The following EDEM3 variants were observed in gnomAD, a reference collection of about 807,000 sequenced individuals.
The protein encoded by EDEM3 is ER degradation-enhancing alpha-mannosidase-like protein 3.
A neutral mutation model predicts 110.2 loss-of-function variants in EDEM3; 60 were observed. The observed-to-expected ratio is 0.54, with a 90% confidence interval of 0.44 to 0.67. The LOEUF is 0.67. EDEM3 is among the 30% of genes least tolerant of loss of function. EDEM3 has a pLI of 0.00. For synonymous variants in EDEM3, 352 were observed against 382.9 expected (o/e 0.92, Z 0.94); for missense variants, 996 against 1,121.0 (o/e 0.89, Z 1.59).
chr1:184,728,843 C>T (rs573202756), intron 6 of EDEM3, among the ~76,000 whole-genome samples: 5 of 152,234 alleles, frequency 3.3e-5, no homozygotes, highest in Admixed American at 2.0e-4. Flanking sequence ...CTCTTGACCT[C>T]GTGATCCGCC....
chr1:184,696,793 G>A (rs1180124619), intron 19 of EDEM3, among the ~76,000 whole-genome samples: 2 of 151,958 alleles, frequency 1.3e-5, no homozygotes, highest in Non-Finnish European at 2.9e-5. Context: ...TTTCTTTCTA[G>A]ATTGTATTAT....
chr1:184,736,769 GA>G (rs1349100130), intron 4 of EDEM3, among the ~76,000 whole-genome samples: 1 of 151,926 alleles, frequency 6.6e-6, no homozygotes, highest in African/African-American at 2.4e-5. Context: ...CCAAAGGGGG[GA>G]AAAAAGGACC....
intron 2 of EDEM3, among the ~76,000 whole-genome samples, chr1:184,741,656 T>A (rs1384784482): frequency 6.6e-6 from 1 of 152,182 alleles, no homozygotes; most frequent in Non-Finnish European, 1.5e-5. Flanking sequence ...ATGCACAGCA[T>A]TTTTCTAAGG....
rs199636991 is a variant in EDEM3 at position 184,708,276 on chromosome 1, C to T, written c.1914G>A (p.Gln638=). 1 of 1,613,278 alleles carries T rather than the reference C, an allele frequency of 6.2e-7. No individual in the cohort carries two copies. Among genetic ancestry groups the T allele is most frequent in the Non-Finnish European group, 8.5e-7 (1 of 1,179,804 alleles). ...FMQEMIELSS[Q]QQKEQQLPPR... ...GAGGCAGCTGCTGTTCTTTTTGTTG[C>T]TGACTTGACAATTCAATCATCTCCT... The change falls in exon 17 of 20, where the codon CAG becomes CAA. Residue 638 remains glutamine (Q), a synonymous_variant. Coordinates refer to ENST00000318130, the MANE Select transcript of EDEM3 (RefSeq NM_025191.4).
chr1:184,728,542 A>G, intron 6 of EDEM3, among the ~76,000 whole-genome samples: 1 of 152,158 alleles, frequency 6.6e-6, no homozygotes, highest in East Asian at 1.9e-4. Flanking sequence ...TAACACAATT[A>G]TCTATAGTAT....
intron 16 of EDEM3, among the ~76,000 whole-genome samples, chr1:184,708,831 A>C (rs999507051): frequency 6.6e-6 from 1 of 152,248 alleles, no homozygotes; most frequent in Non-Finnish European, 1.5e-5. Flanking sequence ...GGAGAAAGAC[A>C]TGTAAAGTTA....
Position 184,711,722 on chromosome 1 carries a change from C to T in EDEM3, c.1691+1G>A. On this transcript the variant is annotated splice_donor_variant, in intron 15 of 19. Coordinates refer to ENST00000318130, the MANE Select transcript of EDEM3 (RefSeq NM_025191.4). LOFTEE classifies it high-confidence loss of function. ...AGAAAATATAAAATAATACATCTTA[C>T]ACTCTGATGATGCCTCTAGGACAGC... 1 of 1,591,750 alleles carries T rather than the reference C, an allele frequency of 6.3e-7. No homozygotes were observed. The highest frequency in any genetic ancestry group is 8.5e-7 in the Non-Finnish European group (1 of 1,172,468).
chr1:184,734,909 G>A lies in EDEM3; in HGVS notation c.346-266C>T, dbSNP rs1179299596. ...CTACCATCATCAGACCTGTTAACTG[G>A]ATTCTTAATGACCCAGGCTACATGA... On this transcript the variant is annotated intron_variant, in intron 4 of 19. Transcript: ENST00000318130. Among the ~76,000 whole-genome samples the A allele has an allele frequency of 3.3e-5, 5 of 152,158 alleles. No homozygotes were observed. In the East Asian group the frequency reaches 9.6e-4, roughly 29 times the overall value.
intron 7 of EDEM3, among the ~76,000 whole-genome samples, 195 bp from the exon 8 acceptor site, chr1:184,724,051 G>A (rs1273565742): frequency 1.3e-5 from 2 of 151,888 alleles, no homozygotes; most frequent in African/African-American, 4.8e-5. Flanking sequence ...ACCAATCAGT[G>A]TAGTTAGGAA....
At position 184,741,617 on chromosome 1, in the gene EDEM3, T is replaced by C. The variant is rs1016924881; in HGVS notation, c.205-3906A>G. On this transcript the variant is annotated intron_variant, in intron 2 of 19. Coordinates refer to ENST00000318130, the MANE Select transcript of EDEM3 (RefSeq NM_025191.4). ...TGGTCTGGAACCATAATTCCCCAAG[T>C]TGCTAGTGTTAGAACCCAAGTGGAA... Among the ~76,000 whole-genome samples, 7 of 152,154 alleles carry C rather than the reference T, an allele frequency of 4.6e-5. No individual in the cohort carries two copies. The East Asian group carries it at 1.3e-3, about 29-fold the overall frequency.
At chr1:184,727,680 T>A (rs574374393) in intron 6 of EDEM3, among the ~76,000 whole-genome samples, 1 of 152,324 alleles carries the variant, frequency 6.6e-6, no homozygotes, top group East Asian at 1.9e-4. Context: ...ACTGTTAATG[T>A]TGTTCTCAGT....
At chr1:184,738,033 C>A (rs1004147412) in intron 2 of EDEM3, among the ~76,000 whole-genome samples, 1 of 152,102 alleles carries the variant, frequency 6.6e-6, no homozygotes, top group Non-Finnish European at 1.5e-5. Context: ...AATACATACA[C>A]ATATATTATT....
rs147264958 is a variant in EDEM3 at position 184,730,785 on chromosome 1, G to A, written c.612+2052C>T. Among the ~76,000 whole-genome samples, 259 of 151,838 alleles carry A rather than the reference G, an allele frequency of 1.7e-3. 2 individuals are homozygous for A. The highest frequency in any genetic ancestry group is 5.9e-3 in the African/African-American group (243 of 41,384). On this transcript the variant is annotated intron_variant, in intron 6 of 19. Transcript: ENST00000318130. The stretch of plus-strand genomic sequence containing the variant: ...AGGATGACTTCTTGATGGAGGAAAT[G>A]AGCCTTATTTGATTTGACTTATATT...
At chr1:184,741,395 G>A (rs750142188) in intron 2 of EDEM3, among the ~76,000 whole-genome samples, 5 of 150,868 alleles carry the variant, frequency 3.3e-5, no homozygotes, top group African/African-American at 1.2e-4. Flanking sequence ...GTGAGACTCC[G>A]TCTCAAAAAA....
rs1649220941 is a variant in EDEM3 at position 184,694,354 on chromosome 1, C to G, written c.2508G>C (p.Glu836Asp). The stretch of plus-strand genomic sequence containing the variant: ...CTGGGTGAGAATTTAGAGAATTTTC[C>G]TCAGAAGACTCTTGATCAACCAAAT... ...EVDLVDQESS[E>D]ENSLNSHPES... Residue 836 changes from glutamate to aspartate, a missense_variant, in exon 20 of 20, where the codon GAG (glutamate) becomes GAC (aspartate). By Grantham distance (45) the Glu-to-Asp change is conservative (BLOSUM62 2). This residue lies in a region of EDEM3 where 345 missense variants were observed against 402.0 expected (regional missense o/e 0.86). Transcript: ENST00000318130. The G allele has an allele frequency of 1.2e-6, 2 of 1,612,646 alleles. No individual in the cohort carries two copies. The highest frequency in any genetic ancestry group is 2.7e-5 in the African/African-American group (2 of 74,858).
chr1:184,720,387 A>G (rs1430235191), intron 9 of EDEM3: 1 of 152,156 alleles, frequency 6.6e-6, no homozygotes, highest in Non-Finnish European at 1.5e-5. Flanking sequence ...ATAACCCTAT[A>G]AATAGTACTA....
At chr1:184,720,558 G>A (rs903057709) in intron 9 of EDEM3, 3 of 143,480 alleles carry the variant, frequency 2.1e-5, no homozygotes, top group Non-Finnish European at 4.5e-5. Context: ...CGCCCAGGCT[G>A]GAGTGCAGTG....
At chr1:184,740,171 A>G (rs1223095578) in intron 2 of EDEM3, among the ~76,000 whole-genome samples, 1 of 152,210 alleles carries the variant, frequency 6.6e-6, no homozygotes, top group Non-Finnish European at 1.5e-5. Flanking sequence ...AAATATAATT[A>G]TGAGAAATAT....
rs544713012 is a variant in EDEM3, at chr1:184,717,564, T to C, written c.1221A>G (p.Ala407=). The C allele has an allele frequency of 1.2e-6, 2 of 1,608,066 alleles. No individual in the cohort carries two copies. Among genetic ancestry groups the C allele is most frequent in the South Asian group, 1.1e-5 (1 of 90,160 alleles). The change falls in exon 12 of 20, where the codon GCA becomes GCG. Residue 407 remains alanine, a synonymous_variant. Transcript: ENST00000318130. The part of the protein sequence containing the change: ...WAQHPLRPEF[A]ESTYFLYKAT... ...CTTTATATAAGAAGTAGGTACTTTC[T>C]GCAAATTCTGGCCTTAAAGGATGTT...
Sources: allele counts gnomAD v4.1 joint callset (sites outside exome capture counted in the v4.1 genomes callset), GRCh38; gene constraint gnomAD v4.1.1; regional missense constraint gnomAD v4.1.1; transcripts MANE v1.5; gene names NCBI Gene and HGNC (gene_info 2026-07-23, HGNC 2026-07-21).